SRBD1: variants seen among roughly 807,000 people sequenced by gnomAD.
SRBD1 encodes the protein S1 RNA-binding domain-containing protein 1.
SRBD1 carries 88 observed loss-of-function variants against 115.3 expected under a neutral mutation model. The ratio of observed to expected loss-of-function variants is 0.76; its 90% CI spans 0.64 to 0.91. The LOEUF (loss-of-function observed/expected upper bound fraction) is 0.91, where lower values mean the gene tolerates loss of function less well. SRBD1 is among the 40% of genes least tolerant of loss of function. SRBD1 has a pLI of 0.00. For synonymous variants in SRBD1, 509 were observed against 407.7 expected, an observed-to-expected ratio of 1.25 and a Z score of -2.99; for missense variants, 1,385 against 1,177.4, an observed-to-expected ratio of 1.18 and a Z score of -2.58.
intron 14 of SRBD1, among the ~76,000 whole-genome samples, chr2:45,506,197 T>G (rs1333399817): frequency 2.0e-5 from 3 of 152,152 alleles, no homozygotes; most frequent in African/African-American, 7.2e-5. Flanking sequence ...TTCACTCAGA[T>G]GAGCAGTATA....
chr2:45,436,713 C>T (rs370906810), intron 16 of SRBD1, among the ~76,000 whole-genome samples: 30 of 152,222 alleles, frequency 2.0e-4, no homozygotes, highest in African/African-American at 4.8e-4. Context: ...GGGAAACCAC[C>T]CCCATGATCC....
chr2:45,419,723 G>A (rs548838740), intron 17 of SRBD1, 65 bp downstream of exon 17: 54 of 1,433,410 alleles, frequency 3.8e-5, no homozygotes, highest in Admixed American at 8.4e-5. Context: ...TCTTCTAGCC[G>A]AGTTTGGACT....
intron 14 of SRBD1, among the ~76,000 whole-genome samples, chr2:45,495,741 C>T (rs1398431921): frequency 6.6e-6 from 1 of 152,148 alleles, no homozygotes; most frequent in Non-Finnish European, 1.5e-5. Context: ...GAGGAAGGAA[C>T]ACTAACTGTG....
intron 14 of SRBD1, among the ~76,000 whole-genome samples, chr2:45,497,119 CAT>C (rs1445202646): frequency 6.6e-6 from 1 of 152,100 alleles, no homozygotes; most frequent in African/African-American, 2.4e-5. Flanking sequence ...ATTTAGGAGA[CAT>C]AATTCCTTTC....
intron 16 of SRBD1, among the ~76,000 whole-genome samples, chr2:45,433,223 G>C (rs1668391881): frequency 6.6e-6 from 1 of 152,126 alleles, no homozygotes. Flanking sequence ...TCGGTCACTA[G>C]GGTAAATGAG....
At chr2:45,414,741 A>AGTAT (rs1667736511) in intron 18 of SRBD1, among the ~76,000 whole-genome samples, 2 of 126,410 alleles carry the variant, frequency 1.6e-5, no homozygotes, top group African/African-American at 6.9e-5. Context: ...GTGTGTATAT[A>AGTAT]GTATGTACAC....
chr2:45,505,206 T>C (rs79055808), intron 14 of SRBD1, among the ~76,000 whole-genome samples: 2 of 152,180 alleles, frequency 1.3e-5, no homozygotes, highest in Non-Finnish European at 2.9e-5. Context: ...TCTGAAAATC[T>C]TGACATTTTT....
At chr2:45,559,434 AG>A (rs1488177121) in intron 10 of SRBD1, among the ~76,000 whole-genome samples, 1 of 152,194 alleles carries the variant, frequency 6.6e-6, no homozygotes, top group Non-Finnish European at 1.5e-5. Flanking sequence ...CTCTGTTACA[AG>A]CACTTTTCTT....
At position 45,553,701 on chromosome 2, in the gene SRBD1, T is replaced by G. The variant is rs1672376911; in HGVS notation, c.1439A>C (p.Glu480Ala). 8 of 1,606,202 alleles carry G rather than the reference T, an allele frequency of 5.0e-6. No individual in the cohort carries two copies. Among genetic ancestry groups the G allele is most frequent in the Non-Finnish European group, 6.8e-6 (8 of 1,176,626 alleles). Residue 480 changes from glutamate to alanine, a missense_variant, in exon 11 of 21, where the codon GAG (glutamate) becomes GCG (alanine). Glu to Ala is a moderately radical substitution (Grantham distance 107). Transcript: ENST00000263736. ...TGAATTATATAAGATCTTCATTAAC[T>G]CTGGCCTTGCAAAGCTACGTGGTCT... ...RWRPRSFARP[E>A]LMKILYNSLN...
At chr2:45,498,427 CTG>C (rs1670526292) in intron 14 of SRBD1, among the ~76,000 whole-genome samples, 1 of 152,098 alleles carries the variant, frequency 6.6e-6, no homozygotes, top group African/African-American at 2.4e-5. Context: ...TGATATATAA[CTG>C]TTATACATAT....
chr2:45,543,293 T>A (rs369172499), intron 14 of SRBD1, among the ~76,000 whole-genome samples: 1 of 152,232 alleles, frequency 6.6e-6, no homozygotes, highest in Non-Finnish European at 1.5e-5. Flanking sequence ...GTAAGTATCA[T>A]GATTCGTAAG....
At chr2:45,439,360 C>CATATAT (rs5830860) in intron 16 of SRBD1, among the ~76,000 whole-genome samples, 183 of 144,522 alleles carry the variant, frequency 1.3e-3, no homozygotes, top group African/African-American at 4.2e-3. Flanking sequence ...TATTCTAGGA[C>CATATAT]ATATATATAT....
intron 4 of SRBD1, among the ~76,000 whole-genome samples, chr2:45,588,363 C>T (rs1051351243): frequency 6.6e-6 from 1 of 152,206 alleles, no homozygotes; most frequent in Admixed American, 6.5e-5. Flanking sequence ...AGTTACTTTG[C>T]TCTTAAGAGG....
At chr2:45,420,575 G>C (rs74845277) in intron 16 of SRBD1, among the ~76,000 whole-genome samples, 1 of 152,214 alleles carries the variant, frequency 6.6e-6, no homozygotes, top group Non-Finnish European at 1.5e-5. Flanking sequence ...GAAACCGTAA[G>C]AACCATATAT....
In SRBD1 at chr2:45,611,258, G is replaced by C. The variant is rs570811960; in HGVS notation, c.-40C>G. The C allele has an allele frequency of 2.0e-5, 3 of 151,608 alleles. No homozygotes were observed. Among genetic ancestry groups the C allele is most frequent in the East Asian group, 3.9e-4 (2 of 5,160 alleles). 9.4% of individuals were successfully genotyped at this position (151,608 alleles called of 1,614,324 possible). A position where few individuals can be genotyped will look rare whatever the true frequency, so the allele number is the denominator to read the frequency against. On this transcript the variant is annotated 5_prime_UTR_variant, in exon 1 of 21. Coordinates refer to ENST00000263736, the MANE Select transcript of SRBD1 (RefSeq NM_018079.5). ...CGTCAGAAGACCCGAGATTCCGTGA[G>C]TGCCACCGCACCTTCCGGTTCCCGC...
chr2:45,555,848 G>A (rs997266824), intron 10 of SRBD1, among the ~76,000 whole-genome samples: 3 of 151,968 alleles, frequency 2.0e-5, no homozygotes, highest in Non-Finnish European at 4.4e-5. Context: ...AGTCTGTTAC[G>A]GCACAGTGGG....
chr2:45,469,414 CAG>C (rs1669583133), intron 16 of SRBD1, among the ~76,000 whole-genome samples: 3 of 152,038 alleles, frequency 2.0e-5, no homozygotes, highest in Admixed American at 6.6e-5. Context: ...ATGACATACA[CAG>C]AGTAAGCAAA....
chr2:45,457,649 G>T (rs1471407278), intron 16 of SRBD1, among the ~76,000 whole-genome samples: 1 of 151,960 alleles, frequency 6.6e-6, no homozygotes, highest in Non-Finnish European at 1.5e-5. Context: ...CACGGCGTAT[G>T]TTAAAAAAAT....
chr2:45,521,803 C>G (rs746944539), intron 14 of SRBD1, among the ~76,000 whole-genome samples: 1 of 151,842 alleles, frequency 6.6e-6, no homozygotes, highest in Non-Finnish European at 1.5e-5. Flanking sequence ...CCTGTCTCCA[C>G]AAAACAATTT....
Sources: allele counts gnomAD v4.1 joint callset (sites outside exome capture counted in the v4.1 genomes callset), GRCh38; gene constraint gnomAD v4.1.1; transcripts MANE v1.5; gene names NCBI Gene and HGNC (gene_info 2026-07-23, HGNC 2026-07-21).